The following CRK variants were observed in gnomAD, a reference collection of about 807,000 sequenced individuals.
CRK encodes adapter molecule crk.
CRK carries 4 observed loss-of-function variants against 29.8 expected under a neutral mutation model. The ratio of observed to expected loss-of-function variants is 0.13; its 90% CI spans 0.07 to 0.31. CRK has a LOEUF of 0.31. Among genes scored for constraint, CRK ranks in the 10% least tolerant of loss-of-function variants. The probability of loss-of-function intolerance (pLI) is 1.00; values close to 1 mark genes in which losing one functional copy is unlikely to be tolerated. For synonymous variants in CRK, 153 were observed against 164.9 expected, an observed-to-expected ratio of 0.93 and a Z score of 0.55; for missense variants, 274 against 396.5, an observed-to-expected ratio of 0.69 and a Z score of 2.62.
intron 2 of CRK, among the ~76,000 whole-genome samples, chr17:1,435,839 C>T (rs1392515253): frequency 6.6e-6 from 1 of 151,960 alleles, no homozygotes; most frequent in Non-Finnish European, 1.5e-5. Context: ...AGCTTTTACA[C>T]TGAACCATCA....
intron 1 of CRK, among the ~76,000 whole-genome samples, chr17:1,442,976 C>CT (rs899849868): frequency 9.6e-6 from 1 of 104,222 alleles, no homozygotes; most frequent in Non-Finnish European, 2.3e-5. Flanking sequence ...AGCAACCTCC[C>CT]TTTCTTTCTT....
At position 1,423,607 on chromosome 17, in the gene CRK, T is replaced by C; in HGVS notation, c.821A>G (p.Gln274Arg). 1.9e-6 allele frequency: 3 copies of C among 1,614,202 alleles called. No homozygotes were observed. The highest frequency in any genetic ancestry group is 2.5e-6 in the Non-Finnish European group (3 of 1,180,036). ...VKVTKINVSG[Q>R]WEGECNGKRG... ...TTTGCCATTACACTCCCCTTCCCAC[T>C]GACCACTCACATTAATCTTCGTAAC... Residue 274 changes from glutamine (Q) to arginine (R), a missense_variant, in exon 3 of 3, where the codon CAG becomes CGG. Gln to Arg is a conservative substitution (Grantham distance 43). Around this residue, in one of 3 missense-constraint regions of CRK, gnomAD observed 121 missense variants for 154.3 expected, o/e 0.78. Coordinates refer to ENST00000300574, the MANE Select transcript of CRK (RefSeq NM_016823.4).
intron 2 of CRK, among the ~76,000 whole-genome samples, chr17:1,427,664 C>T (rs1473753379): frequency 6.6e-6 from 1 of 151,888 alleles, no homozygotes; most frequent in Non-Finnish European, 1.5e-5. Flanking sequence ...GAGTCTCACT[C>T]TGTCACCCAG....
intron 2 of CRK, among the ~76,000 whole-genome samples, chr17:1,427,885 G>A (rs1394062224): frequency 4.6e-5 from 7 of 151,624 alleles, no homozygotes; most frequent in East Asian, 2.0e-4. Context: ...CGCCCACCTC[G>A]GCTTCCCAAA....
At chr17:1,448,983 G>A (rs756406720) in intron 1 of CRK, among the ~76,000 whole-genome samples, 6 of 152,048 alleles carry the variant, frequency 3.9e-5, no homozygotes, top group East Asian at 1.9e-4. Context: ...GAGCTATGAC[G>A]GAGCCACTGC....
intron 1 of CRK, among the ~76,000 whole-genome samples, chr17:1,447,666 T>C (rs2150912037): frequency 6.8e-6 from 1 of 146,014 alleles, no homozygotes; most frequent in Admixed American, 7.3e-5. Flanking sequence ...TGGAGTACAG[T>C]GGTGCGATCT....
At chr17:1,450,753 G>T (rs1396308701) in intron 1 of CRK, among the ~76,000 whole-genome samples, 1 of 152,000 alleles carries the variant, frequency 6.6e-6, no homozygotes, top group Non-Finnish European at 1.5e-5. Flanking sequence ...GGGCATGGTG[G>T]CGCATGCCTG....
At chr17:1,429,283 G>A (rs925940439) in intron 2 of CRK, among the ~76,000 whole-genome samples, 2 of 151,446 alleles carry the variant, frequency 1.3e-5, no homozygotes, top group Non-Finnish European at 2.9e-5. Flanking sequence ...CTTGAGTCCA[G>A]GGTTTTTTTT....
intron 2 of CRK, among the ~76,000 whole-genome samples, chr17:1,429,937 G>A (rs932878788): frequency 3.3e-5 from 5 of 150,998 alleles, no homozygotes; most frequent in Non-Finnish European, 7.4e-5. Context: ...AAAAAAAAAA[G>A]AGAAAAACAA....
intron 2 of CRK, among the ~76,000 whole-genome samples, chr17:1,431,604 T>C (rs1024694160): frequency 1.3e-5 from 2 of 152,106 alleles, no homozygotes; most frequent in African/African-American, 4.8e-5. Context: ...CTAGTTTTTT[T>C]TGAGGCAGAG....
rs1185975519 is a variant in CRK, at chr17:1,422,160, T to A, written c.*1353A>T. On this transcript the variant is annotated 3_prime_UTR_variant, in exon 3 of 3. Coordinates refer to ENST00000300574, the MANE Select transcript of CRK (RefSeq NM_016823.4). ...TTGGTTCAACATTTTTTTTTCTTTTTTTTTTCCTTTTTTTTTTTTTTGAGA... is the reference window on the plus strand; with the variant it reads ...TTGGTTCAACATTTTTTTTTCTTTTATTTTTCCTTTTTTTTTTTTTTGAGA... 2 of 151,668 alleles carry A rather than the reference T, an allele frequency of 1.3e-5. No individual in the cohort carries two copies. The highest frequency in any genetic ancestry group is 1.3e-4 in the Admixed American group (2 of 15,196). 9.4% of individuals were successfully genotyped at this position (151,668 alleles called of 1,614,324 possible).
intron 1 of CRK, among the ~76,000 whole-genome samples, chr17:1,440,628 A>C (rs1342704100): frequency 1.3e-5 from 2 of 151,588 alleles, no homozygotes; most frequent in South Asian, 2.1e-4. Flanking sequence ...AAAAACAAAA[A>C]ACAAGCCGGG....
At chr17:1,432,906 GA>G (rs1392839615) in intron 2 of CRK, among the ~76,000 whole-genome samples, 1 of 152,100 alleles carries the variant, frequency 6.6e-6, no homozygotes, top group Non-Finnish European at 1.5e-5. Context: ...AAAACACCTA[GA>G]AAAGTTGACT....
At chr17:1,430,694 AT>A (rs1206915674) in intron 2 of CRK, among the ~76,000 whole-genome samples, 6 of 151,700 alleles carry the variant, frequency 4.0e-5, no homozygotes, top group Admixed American at 6.6e-5. Flanking sequence ...GATAAAGAAA[AT>A]TTGTAAGCAA....
At chr17:1,453,857 G>A (rs1390560042) in intron 1 of CRK, among the ~76,000 whole-genome samples, 1 of 151,782 alleles carries the variant, frequency 6.6e-6, no homozygotes. Flanking sequence ...GCAGTGAGCT[G>A]AGATTGCACC....
At chr17:1,446,474 C>T (rs747560388) in intron 1 of CRK, among the ~76,000 whole-genome samples, 11 of 152,004 alleles carry the variant, frequency 7.2e-5, no homozygotes, top group Admixed American at 1.3e-4. Context: ...TAAGCCAAGT[C>T]GCTCTGAAAG....
chr17:1,429,186 C>T (rs576093672), intron 2 of CRK, among the ~76,000 whole-genome samples: 2 of 152,012 alleles, frequency 1.3e-5, no homozygotes, highest in South Asian at 4.2e-4. Flanking sequence ...AAAACCATGC[C>T]AAAATCTAAA....
chr17:1,422,955 G>A lies in CRK; in HGVS notation c.*558C>T. The A allele has an allele frequency of 2.5e-6, 1 of 399,020 alleles. No homozygotes were observed. The highest frequency in any genetic ancestry group is 4.4e-6 in the Non-Finnish European group (1 of 226,144). The allele number at this position is 399,020 out of a possible 1,614,324, so 24.7% of individuals were successfully genotyped here. On this transcript the variant is annotated 3_prime_UTR_variant, in exon 3 of 3. Coordinates refer to ENST00000300574, the MANE Select transcript of CRK (RefSeq NM_016823.4). ...AAAAGTATGAAGCATTGACTAGGAG[G>A]GAACAAATGCTTCTAGTAGTGTTCT...
chr17:1,432,476 TA>T (rs59669841), intron 2 of CRK, among the ~76,000 whole-genome samples: 1,533 of 100,904 alleles, frequency 0.015, 36 homozygotes, highest in African/African-American at 0.057. Context: ...GACCTTGTCT[TA>T]AAAAAAAAAA....
Sources: gnomAD v4.1 joint callset for allele counts (sites outside exome capture counted in the v4.1 genomes callset) on GRCh38, gnomAD v4.1.1 for gene constraint, gnomAD v4.1.1 regional missense constraint, MANE v1.5 for transcripts, NCBI Gene and HGNC (gene_info 2026-07-23, HGNC 2026-07-21) for gene names.